Variants in EDC3 observed in about 807,000 individuals in gnomAD.
The protein encoded by EDC3 is enhancer of mRNA decapping 3, also known as enhancer of mRNA-decapping protein 3.
Under a neutral mutation model 41.8 loss-of-function variants are expected in EDC3, and 20 were observed. The ratio of observed to expected loss-of-function variants is 0.48; its 90% CI spans 0.34 to 0.70. EDC3 has a LOEUF of 0.70. EDC3 is among the 30% of genes least tolerant of loss of function. The probability of loss-of-function intolerance (pLI) is 0.01; values close to 1 mark genes in which losing one functional copy is unlikely to be tolerated. For synonymous variants in EDC3, 206 were observed against 243.2 expected, an observed-to-expected ratio of 0.85 and a Z score of 1.42; for missense variants, 444 against 636.8, an observed-to-expected ratio of 0.70 and a Z score of 3.26.
At chr15:74,633,206 C>T (rs1458334098) in intron 6 of EDC3, among the ~76,000 whole-genome samples, 2 of 152,022 alleles carry the variant, frequency 1.3e-5, no homozygotes, top group Non-Finnish European at 1.5e-5. Context: ...GAACCATTGT[C>T]GTCCTGAGTG....
At chr15:74,635,775 C>T (rs927149837) in intron 5 of EDC3, 149 bp from the exon 6 acceptor site, 1 of 716,940 alleles carries the variant, frequency 1.4e-6, no homozygotes, top group Non-Finnish European at 2.3e-6. Context: ...ACAAAATCCA[C>T]TGCAGGCCAG....
At chr15:74,688,185 A>G (rs1378631890) in intron 1 of EDC3, among the ~76,000 whole-genome samples, 1 of 152,236 alleles carries the variant, frequency 6.6e-6, no homozygotes, top group Non-Finnish European at 1.5e-5. Flanking sequence ...TTTACAGAAA[A>G]CAGTAAATCT....
intron 6 of EDC3, chr15:74,635,099 A>C (rs748421738): frequency 1.1e-5 from 6 of 569,498 alleles, no homozygotes; most frequent in South Asian, 9.1e-5. Context: ...CCTAACCAGA[A>C]TATAAGCTCC....
chr15:74,681,202 G>A (rs1366607554), intron 1 of EDC3, among the ~76,000 whole-genome samples: 1 of 152,190 alleles, frequency 6.6e-6, no homozygotes, highest in Non-Finnish European at 1.5e-5. Flanking sequence ...CGCCCAGGCT[G>A]GAGTGCAGTG....
At chr15:74,642,087 A>T (rs1010860653) in intron 4 of EDC3, 3 of 152,264 alleles carry the variant, frequency 2.0e-5, no homozygotes, top group African/African-American at 7.2e-5. Flanking sequence ...AAAGCCACAG[A>T]GAATGAGGCT....
intron 1 of EDC3, among the ~76,000 whole-genome samples, chr15:74,692,052 C>T (rs984981299): frequency 2.0e-5 from 3 of 152,120 alleles, no homozygotes; most frequent in Non-Finnish European, 4.4e-5. Context: ...ATCTCCTGAC[C>T]TCGTGATCCG....
At chr15:74,664,868 T>C (rs1229604837) in intron 3 of EDC3, among the ~76,000 whole-genome samples, 1 of 152,118 alleles carries the variant, frequency 6.6e-6, no homozygotes, top group Non-Finnish European at 1.5e-5. Context: ...AACAAGATAA[T>C]ATCGACCATC....
chr15:74,649,272 T>G (rs1396886650), intron 4 of EDC3, among the ~76,000 whole-genome samples: 2 of 151,626 alleles, frequency 1.3e-5, no homozygotes, highest in Admixed American at 1.3e-4. Context: ...GGTTTCACCG[T>G]GTTAGCACCC....
chr15:74,647,563 T>A (rs193272078), intron 4 of EDC3, among the ~76,000 whole-genome samples: 69 of 152,296 alleles, frequency 4.5e-4, no homozygotes, highest in African/African-American at 1.7e-3. Flanking sequence ...AAGACACCTA[T>A]CTTAACAGTA....
chr15:74,691,660 A>G (rs1241610177), intron 1 of EDC3, among the ~76,000 whole-genome samples: 1 of 152,226 alleles, frequency 6.6e-6, no homozygotes, highest in Non-Finnish European at 1.5e-5. Flanking sequence ...TGTGTGGATA[A>G]CTAGATGATC....
intron 3 of EDC3, among the ~76,000 whole-genome samples, chr15:74,659,514 G>GTATATATATATATATATATATA (rs2062596692): frequency 7.6e-6 from 1 of 130,984 alleles, no homozygotes; most frequent in African/African-American, 3.1e-5. Flanking sequence ...ATATATATAG[G>GTATATATATATATATATATATA]CAAATAATGA....
chr15:74,686,033 A>G (rs1355368255), intron 1 of EDC3, among the ~76,000 whole-genome samples: 2 of 152,154 alleles, frequency 1.3e-5, no homozygotes, highest in Admixed American at 6.5e-5. Context: ...TATCTACTAA[A>G]AATACAAAAT....
chr15:74,684,019 C>G (rs961878268), intron 1 of EDC3, among the ~76,000 whole-genome samples: 1 of 150,044 alleles, frequency 6.7e-6, no homozygotes, highest in African/African-American at 2.5e-5. Context: ...TGTACCACTG[C>G]ACTCCAGCCT....
intron 1 of EDC3, among the ~76,000 whole-genome samples, chr15:74,680,704 T>G (rs2062861502): frequency 6.6e-6 from 1 of 152,200 alleles, no homozygotes; most frequent in Non-Finnish European, 1.5e-5. Context: ...CTATCCCCAT[T>G]TGCAGATGAC....
At position 74,691,278 on chromosome 15, in the gene EDC3, A is replaced by G. The variant is rs79169283; in HGVS notation, c.-19+4602T>C. ...GCCTCATCTGTAGGGAATTATGCCA[A>G]TTATACACCTATCTCATAGAACCAC... On this transcript the variant is annotated intron_variant, in intron 1 of 6. Transcript: ENST00000315127. Among the ~76,000 whole-genome samples the G allele has an allele frequency of 3.1e-3, 473 of 152,310 alleles. 1 individual carries two copies. Among genetic ancestry groups the G allele is most frequent in the African/African-American group, 0.011 (446 of 41,570 alleles).
intron 1 of EDC3, among the ~76,000 whole-genome samples, chr15:74,679,350 C>T (rs1254764172): frequency 6.6e-6 from 1 of 152,028 alleles, no homozygotes; most frequent in Non-Finnish European, 1.5e-5. Flanking sequence ...AAGATATTAA[C>T]AAATCAAATC....
intron 1 of EDC3, among the ~76,000 whole-genome samples, chr15:74,676,030 A>C (rs1315781197): frequency 6.6e-6 from 1 of 152,212 alleles, no homozygotes; most frequent in African/African-American, 2.4e-5. Context: ...TAAATTTAAA[A>C]AGACTGAGAT....
chr15:74,682,957 G>C (rs2062891580), intron 1 of EDC3, among the ~76,000 whole-genome samples: 1 of 152,060 alleles, frequency 6.6e-6, no homozygotes, highest in African/African-American at 2.4e-5. Flanking sequence ...GGGAGGCAGA[G>C]GTTGTGGTGA....
At chr15:74,695,094 G>A (rs915797826) in intron 1 of EDC3, among the ~76,000 whole-genome samples, 1 of 152,174 alleles carries the variant, frequency 6.6e-6, no homozygotes, top group African/African-American at 2.4e-5. Flanking sequence ...TTGGTCTGTG[G>A]CGAAGGAAGA....
Sources: gnomAD v4.1 joint callset for allele counts (sites outside exome capture counted in the v4.1 genomes callset) on GRCh38, gnomAD v4.1.1 for gene constraint, MANE v1.5 for transcripts, NCBI Gene and HGNC (gene_info 2026-07-23, HGNC 2026-07-21) for gene names.